FAR2: variants seen among roughly 807,000 people sequenced by gnomAD.
FAR2 encodes epididymis secretory protein Li 81.
A neutral mutation model predicts 56.0 loss-of-function variants in FAR2; 19 were observed. The ratio of observed to expected loss-of-function variants is 0.34; its 90% CI spans 0.24 to 0.50. The LOEUF is 0.50. Among genes scored for constraint, FAR2 ranks in the 20% least tolerant of loss-of-function variants. The pLI is 0.98. For synonymous variants in FAR2, 219 were observed against 218.8 expected, an observed-to-expected ratio of 1.00 and a Z score of -0.01; for missense variants, 508 against 642.2, an observed-to-expected ratio of 0.79 and a Z score of 2.26.
At chr12:29,315,535 C>G (rs1181537865) in intron 8 of FAR2, among the ~76,000 whole-genome samples, 3 of 152,116 alleles carry the variant, frequency 2.0e-5, no homozygotes, top group African/African-American at 7.2e-5. Flanking sequence ...TGTAGGAGTA[C>G]AAGGGTAGTG....
intron 8 of FAR2, among the ~76,000 whole-genome samples, chr12:29,314,398 A>G (rs1949409833): frequency 6.6e-6 from 1 of 150,462 alleles, no homozygotes; most frequent in African/African-American, 2.4e-5. Flanking sequence ...AGTTGTATCA[A>G]CTTGAAAAAG....
intron 2 of FAR2, among the ~76,000 whole-genome samples, chr12:29,283,203 C>T (rs1307391346): frequency 6.6e-6 from 1 of 152,104 alleles, no homozygotes; most frequent in East Asian, 1.9e-4. Flanking sequence ...GTAAATGACA[C>T]AAAAAGCCTT....
chr12:29,160,540 A>G (rs1478892819), intron 1 of FAR2, among the ~76,000 whole-genome samples: 1 of 152,164 alleles, frequency 6.6e-6, no homozygotes, highest in African/African-American at 2.4e-5. Flanking sequence ...AAGTTACTTA[A>G]CCTTTCAGTC....
chr12:29,242,652 A>G (rs545751730), intron 1 of FAR2, among the ~76,000 whole-genome samples: 2 of 152,320 alleles, frequency 1.3e-5, no homozygotes, highest in African/African-American at 4.8e-5. Context: ...TCTGAATTGC[A>G]TTTGTCTGCA....
At chr12:29,163,672 G>A (rs1394663785) in intron 1 of FAR2, among the ~76,000 whole-genome samples, 1 of 152,228 alleles carries the variant, frequency 6.6e-6, no homozygotes, top group Non-Finnish European at 1.5e-5. Flanking sequence ...ATTTCCAGCT[G>A]AGTGACTGAG....
chr12:29,164,261 C>T (rs1297846891), intron 1 of FAR2, among the ~76,000 whole-genome samples: 1 of 152,196 alleles, frequency 6.6e-6, no homozygotes, highest in African/African-American at 2.4e-5. Flanking sequence ...TATGCAGGCA[C>T]GAGGCCTTGA....
At chr12:29,153,878 G>C (rs1949701444) in intron 1 of FAR2, among the ~76,000 whole-genome samples, 1 of 152,118 alleles carries the variant, frequency 6.6e-6, no homozygotes, top group Non-Finnish European at 1.5e-5. Context: ...ATCCAAAACA[G>C]TAGGCTCAGA....
At chr12:29,206,586 T>C (rs886872521) in intron 1 of FAR2, among the ~76,000 whole-genome samples, 5 of 152,150 alleles carry the variant, frequency 3.3e-5, no homozygotes, top group Admixed American at 6.5e-5. Context: ...GACCCCTAAC[T>C]AAATGGAAGG....
intron 1 of FAR2, among the ~76,000 whole-genome samples, chr12:29,190,234 A>G (rs1031827240): frequency 7.9e-5 from 12 of 152,070 alleles, no homozygotes; most frequent in African/African-American, 2.7e-4. Flanking sequence ...GACTAGAGAT[A>G]TAAATTATAG....
intron 1 of FAR2, among the ~76,000 whole-genome samples, chr12:29,186,738 A>C (rs1950044247): frequency 6.6e-6 from 1 of 150,898 alleles, no homozygotes; most frequent in East Asian, 1.9e-4. Flanking sequence ...AGAATTATAC[A>C]GCTTAGTTCT....
intron 11 of FAR2, 62 bp from the exon 12 acceptor site, chr12:29,333,570 T>G: frequency 7.0e-7 from 1 of 1,432,436 alleles, no homozygotes; most frequent in South Asian, 1.2e-5. Flanking sequence ...CATATTTATC[T>G]TCAGATAATG....
At chr12:29,267,755 A>T (rs1256596909) in intron 1 of FAR2, among the ~76,000 whole-genome samples, 1 of 152,256 alleles carries the variant, frequency 6.6e-6, no homozygotes, top group Non-Finnish European at 1.5e-5. Flanking sequence ...GAGCTCAAAC[A>T]GTAACTCAGT....
At chr12:29,326,182 C>A (rs1366777667) in intron 10 of FAR2, among the ~76,000 whole-genome samples, 2 of 152,160 alleles carry the variant, frequency 1.3e-5, no homozygotes, top group Non-Finnish European at 2.9e-5. Context: ...GACACATACA[C>A]CCTCCCAAGA....
intron 1 of FAR2, among the ~76,000 whole-genome samples, chr12:29,266,958 T>A (rs1202855027): frequency 1.3e-5 from 2 of 152,168 alleles, no homozygotes; most frequent in African/African-American, 4.8e-5. Context: ...GAGAAGCATG[T>A]GACATCTTCA....
rs762063062 is a variant in FAR2, at chr12:29,297,168, T to C, written c.513T>C (p.Pro171=). Residue 171 remains proline (P), a synonymous_variant, in exon 4 of 12, where the codon CCT becomes CCC. Coordinates refer to ENST00000536681, the MANE Select transcript of FAR2 (RefSeq NM_001271783.2). ...TCGATGAAGTTATCTATCCGTGCCC[T>C]GTGGAGCCAAAAAAAATCATTGATT... ...KHIDEVIYPC[P]VEPKKIIDSL... is the part of the protein sequence containing the mutation. 6.2e-6 allele frequency: 10 copies of C among 1,612,148 alleles called. No individual in the cohort carries two copies. The highest frequency in any genetic ancestry group is 5.3e-5 in the African/African-American group (4 of 74,834).
chr12:29,152,927 A>G (rs1949692803), intron 1 of FAR2, among the ~76,000 whole-genome samples: 1 of 152,212 alleles, frequency 6.6e-6, no homozygotes, highest in Admixed American at 6.5e-5. Context: ...TTGGGTGCCC[A>G]GGGACCACAG....
At chr12:29,218,856 A>G (rs1947653042) in intron 1 of FAR2, among the ~76,000 whole-genome samples, 1 of 152,098 alleles carries the variant, frequency 6.6e-6, no homozygotes, top group Non-Finnish European at 1.5e-5. Context: ...TTAAATGCTG[A>G]AAATAGAAAC....
At chr12:29,327,141 C>T (rs534941946) in intron 10 of FAR2, among the ~76,000 whole-genome samples, 1 of 152,278 alleles carries the variant, frequency 6.6e-6, no homozygotes, top group Admixed American at 6.5e-5. Flanking sequence ...CATGAGTAAA[C>T]ACCCATTCAT....
intron 4 of FAR2, among the ~76,000 whole-genome samples, chr12:29,298,052 A>AAAG (rs1448411857): frequency 7.1e-6 from 1 of 140,416 alleles, no homozygotes; most frequent in Non-Finnish European, 1.6e-5. Context: ...AAAAAAAAAA[A>AAAG]AAAAGAACTA....
Sources: gnomAD v4.1 joint callset for allele counts (sites outside exome capture counted in the v4.1 genomes callset) on GRCh38, gnomAD v4.1.1 for gene constraint, MANE v1.5 for transcripts, NCBI Gene and HGNC (gene_info 2026-07-23, HGNC 2026-07-21) for gene names.